The following RGS6 variants were observed in gnomAD, a reference collection of about 807,000 sequenced individuals.
The protein encoded by RGS6 is regulator of G-protein signaling 6.
In RGS6, 30 loss-of-function variants were observed where a neutral mutation model predicts 78.5. The ratio of observed to expected loss-of-function variants is 0.38; its 90% CI spans 0.29 to 0.52. The LOEUF (loss-of-function observed/expected upper bound fraction) is 0.52, where lower values mean the gene tolerates loss of function less well. Ranked by LOEUF, RGS6 falls within the 20% of genes least tolerant of loss-of-function variation. The pLI is 0.85. For missense variants in RGS6, 495 were observed against 609.7 expected, an observed-to-expected ratio of 0.81 and a Z score of 1.98; for synonymous variants, 206 against 206.0, an observed-to-expected ratio of 1.00 and a Z score of 0.00.
intron 3 of RGS6, among the ~76,000 whole-genome samples, chr14:72,388,906 G>A (rs936761487): frequency 2.6e-5 from 4 of 152,182 alleles, no homozygotes; most frequent in Non-Finnish European, 4.4e-5. Context: ...ATTTGAAAGC[G>A]TGTCTGCCCC....
intron 2 of RGS6, among the ~76,000 whole-genome samples, chr14:72,130,973 G>C: frequency 6.6e-6 from 1 of 152,208 alleles, no homozygotes; most frequent in South Asian, 2.1e-4. Flanking sequence ...CTACTGCCTT[G>C]ATCCCCTCTT....
intron 2 of RGS6, among the ~76,000 whole-genome samples, chr14:72,020,135 G>A (rs555887133): frequency 1.3e-5 from 2 of 152,326 alleles, no homozygotes; most frequent in African/African-American, 4.8e-5. Flanking sequence ...AGCTGATCTT[G>A]TAATCCCAGT....
At chr14:72,521,332 T>C (rs1248905237) in intron 15 of RGS6, among the ~76,000 whole-genome samples, 1 of 152,202 alleles carries the variant, frequency 6.6e-6, no homozygotes, top group African/African-American at 2.4e-5. Flanking sequence ...CTTTAATTGT[T>C]GCATAGTATT....
chr14:72,220,238 G>A (rs847320), intron 2 of RGS6, among the ~76,000 whole-genome samples: 60,928 of 151,994 alleles, frequency 0.4, 12,403 homozygotes, highest in South Asian at 0.48. Context: ...AGAGATGACA[G>A]CAAATTGAAA....
At chr14:72,179,664 C>G (rs2097149608) in intron 2 of RGS6, among the ~76,000 whole-genome samples, 1 of 116,720 alleles carries the variant, frequency 8.6e-6, no homozygotes, top group Non-Finnish European at 1.7e-5. Flanking sequence ...CCCCCCACCC[C>G]CTGTACTGTT....
intron 2 of RGS6, among the ~76,000 whole-genome samples, chr14:71,979,391 G>T (rs1055995255): frequency 1.3e-5 from 2 of 148,524 alleles, no homozygotes; most frequent in African/African-American, 5.0e-5. Flanking sequence ...GCTTTCTCTT[G>T]TGGGCATTTA....
At chr14:72,414,264 G>A (rs1030913884) in intron 3 of RGS6, among the ~76,000 whole-genome samples, 7 of 151,258 alleles carry the variant, frequency 4.6e-5, no homozygotes, top group African/African-American at 1.5e-4. Flanking sequence ...GACTTTGTTT[G>A]TTTTTATTCT....
At chr14:72,496,175 C>T (rs1242195098) in intron 13 of RGS6, among the ~76,000 whole-genome samples, 1 of 151,976 alleles carries the variant, frequency 6.6e-6, no homozygotes, top group Non-Finnish European at 1.5e-5. Flanking sequence ...CTTCCTCCAA[C>T]CCGATTTCAC....
At chr14:72,086,898 C>T (rs2095062070) in intron 2 of RGS6, among the ~76,000 whole-genome samples, 1 of 152,164 alleles carries the variant, frequency 6.6e-6, no homozygotes, top group Non-Finnish European at 1.5e-5. Context: ...TCTAACCAGT[C>T]AGCTAAATGG....
At chr14:72,047,446 G>A (rs1310311607) in intron 2 of RGS6, among the ~76,000 whole-genome samples, 2 of 152,144 alleles carry the variant, frequency 1.3e-5, no homozygotes, top group Non-Finnish European at 2.9e-5. Context: ...AAGTGAAGCT[G>A]GCGATATGTC....
intron 6 of RGS6, among the ~76,000 whole-genome samples, chr14:72,462,493 G>A (rs2095806790): frequency 6.6e-6 from 1 of 152,084 alleles, no homozygotes; most frequent in South Asian, 2.1e-4. Flanking sequence ...CACCTAGTAG[G>A]GTTATTATGA....
At chr14:72,255,824 T>C (rs2056961287) in intron 2 of RGS6, among the ~76,000 whole-genome samples, 1 of 152,226 alleles carries the variant, frequency 6.6e-6, no homozygotes, top group Non-Finnish European at 1.5e-5. Context: ...AAATAGAAGT[T>C]TCTCACATTC....
At chr14:72,412,530 T>C (rs2093496377) in intron 3 of RGS6, among the ~76,000 whole-genome samples, 1 of 152,200 alleles carries the variant, frequency 6.6e-6, no homozygotes, top group Admixed American at 6.5e-5. Context: ...CCTGGATTCA[T>C]TTATTTTTTT....
In RGS6 at chr14:72,336,532, A is replaced by C. The variant is rs199688664; in HGVS notation, c.85-15563A>C. ...TCTCCTGAGAGAGAGAGAGAGAGAG[A>C]GAGCGCGCATAGGGAGAGGCAGTGG... is the stretch of plus-strand genomic sequence containing the variant. On this transcript the variant is annotated intron_variant, in intron 2 of 17. Transcript: ENST00000553525. Among the ~76,000 whole-genome samples the C allele has an allele frequency of 8.8e-4, 128 of 145,198 alleles. 1 individual carries two copies. In the East Asian group the frequency reaches 0.024, roughly 27 times the overall value.
At chr14:72,182,331 T>C (rs2097183756) in intron 2 of RGS6, among the ~76,000 whole-genome samples, 1 of 149,178 alleles carries the variant, frequency 6.7e-6, no homozygotes, top group Admixed American at 6.8e-5. Flanking sequence ...TCCCAGCTAC[T>C]CGGGAGGCTG....
the RGS6 span, among the ~76,000 whole-genome samples, chr14:72,583,135 C>T: frequency 6.6e-6 from 1 of 152,118 alleles, no homozygotes; most frequent in African/African-American, 2.4e-5. Flanking sequence ...CACCAGCAGT[C>T]CCCCGGGTCT....
chr14:72,193,551 C>T (rs1406838958), intron 2 of RGS6, among the ~76,000 whole-genome samples: 1 of 152,166 alleles, frequency 6.6e-6, no homozygotes, highest in Non-Finnish European at 1.5e-5. Context: ...GATCCCTGCC[C>T]TCCTGGAGTT....
chr14:71,888,797 A>G, the RGS6 span, among the ~76,000 whole-genome samples: 1 of 152,232 alleles, frequency 6.6e-6, no homozygotes, highest in Non-Finnish European at 1.5e-5. Context: ...GAGCTGACTC[A>G]ATATATCTTC....
At chr14:72,488,572 T>C (rs528917255) in intron 12 of RGS6, among the ~76,000 whole-genome samples, 1 of 152,338 alleles carries the variant, frequency 6.6e-6, no homozygotes, top group South Asian at 2.1e-4. Context: ...ATAATCATAT[T>C]ATTTCCCATT....
Sources: gnomAD v4.1 joint callset for allele counts (sites outside exome capture counted in the v4.1 genomes callset) on GRCh38, gnomAD v4.1.1 for gene constraint, MANE v1.5 for transcripts, NCBI Gene and HGNC (gene_info 2026-07-23, HGNC 2026-07-21) for gene names.